Variants in PCDHGB6 observed in about 807,000 individuals in gnomAD.
The protein encoded by PCDHGB6 is protocadherin gamma subfamily B, 6.
PCDHGB6 carries 51 observed loss-of-function variants against 59.1 expected under a neutral mutation model. The ratio of observed to expected loss-of-function variants is 0.86; its 90% CI spans 0.69 to 1.09. The LOEUF (loss-of-function observed/expected upper bound fraction) is 1.09. PCDHGB6 is among the 50% of genes least tolerant of loss of function. The pLI is 0.00. For synonymous variants in PCDHGB6, 466 were observed against 495.1 expected, an observed-to-expected ratio of 0.94 and a Z score of 0.78; for missense variants, 1,148 against 1,205.1, an observed-to-expected ratio of 0.95 and a Z score of 0.70.
chr5:141,415,121 C>T (rs2095831464), intron 1 of PCDHGB6: 1 of 1,613,522 alleles, frequency 6.2e-7, no homozygotes, highest in South Asian at 1.1e-5. Context: ...CTCGTAGTGG[C>T]CGTCCAGGAC....
At chr5:141,510,658 A>G (rs1162885805) in intron 3 of PCDHGB6, among the ~76,000 whole-genome samples, 1 of 152,178 alleles carries the variant, frequency 6.6e-6, no homozygotes, top group African/African-American at 2.4e-5. Context: ...CATTTTGCAG[A>G]TGAGAAAACT....
chr5:141,464,290 A>AC (rs1287070540), intron 1 of PCDHGB6, among the ~76,000 whole-genome samples: 1 of 149,916 alleles, frequency 6.7e-6, no homozygotes, highest in Non-Finnish European at 1.5e-5. Context: ...AAAAAAAAAA[A>AC]CTCCATTGTA....
chr5:141,445,446 G>T (rs2098467238), intron 1 of PCDHGB6, among the ~76,000 whole-genome samples: 1 of 152,264 alleles, frequency 6.6e-6, no homozygotes, highest in Admixed American at 6.5e-5. Flanking sequence ...ATGGACTAAG[G>T]ATGCAGCAAT....
At chr5:141,478,423 C>A (rs1355847104) in intron 1 of PCDHGB6, 1 of 1,613,672 alleles carries the variant, frequency 6.2e-7, no homozygotes, top group Admixed American at 1.7e-5. Context: ...CCCGCCGCAG[C>A]GACCCGCTGC....
Position 141,427,790 on chromosome 5 carries a change from C to T in PCDHGB6, c.2418+17170C>T, listed in dbSNP as rs1212280689. ...TGGAGCTGCGGGCACTGTCGTCCTACGTGTCCGTGAGCGCACAGAGCGGGG... is the reference window on the plus strand; with the variant it reads ...TGGAGCTGCGGGCACTGTCGTCCTATGTGTCCGTGAGCGCACAGAGCGGGG... On this transcript the variant is annotated intron_variant, in intron 1 of 3. Transcript: ENST00000520790. 2.0e-6 allele frequency: 3 copies of T among 1,482,108 alleles called. No homozygotes were observed. The Admixed American group carries it at 5.0e-5, about 25-fold the overall frequency. 91.8% of individuals were successfully genotyped at this position (1,482,108 alleles called of 1,614,324 possible).
rs1427881816 is a variant in PCDHGB6 at position 141,486,740 on chromosome 5, T to C, written c.2419-8067T>C. ...AGGAGCTGTTCATGCTACTCGATCC[T>C]TTGACTATGAGCAAACCCAGACACT... On this transcript the variant is annotated intron_variant, in intron 1 of 3. Coordinates refer to ENST00000520790, the MANE Select transcript of PCDHGB6 (RefSeq NM_018926.3). The surrounding 1 kb of genome is among the most constrained non-coding windows in gnomAD (Gnocchi z 5.0). 6.2e-7 allele frequency: 1 copy of C among 1,614,234 alleles called. No homozygotes were observed. Among genetic ancestry groups the C allele is most frequent in the Admixed American group, 1.7e-5 (1 of 60,026 alleles).
intron 3 of PCDHGB6, among the ~76,000 whole-genome samples, chr5:141,506,011 C>T (rs1209221520): frequency 6.6e-6 from 1 of 152,204 alleles, no homozygotes; most frequent in Non-Finnish European, 1.5e-5. Flanking sequence ...TCCTCTTTTG[C>T]TGCCCCTAAC....
intron 1 of PCDHGB6, among the ~76,000 whole-genome samples, chr5:141,488,236 T>A (rs1333427955): frequency 6.6e-6 from 1 of 152,154 alleles, no homozygotes; most frequent in Admixed American, 6.5e-5. Context: ...TTGAACTAGA[T>A]GCGGTAAATT....
chr5:141,417,965 T>C lies in PCDHGB6; in HGVS notation c.2418+7345T>C. On this transcript the variant is annotated intron_variant, in intron 1 of 3. Coordinates refer to ENST00000520790, the MANE Select transcript of PCDHGB6 (RefSeq NM_018926.3). ...CACGCTGTGTGAGCCGATCCGCTAC[T>C]CGATTCCGGAGGAGCTGGCCAAGGG... 3 of 1,613,654 alleles carry C rather than the reference T, an allele frequency of 1.9e-6. No homozygotes were observed. In the South Asian group the frequency reaches 3.3e-5, roughly 18 times the overall value.
chr5:141,473,048 A>T (rs1295750830), intron 1 of PCDHGB6, among the ~76,000 whole-genome samples: 4 of 151,992 alleles, frequency 2.6e-5, no homozygotes, highest in Non-Finnish European at 5.9e-5. Flanking sequence ...GAAAGAAAGA[A>T]GTGATACAAC....
At chr5:141,454,796 ATTTTTTTTTTTTTTTT>A (rs61612330) in intron 1 of PCDHGB6, among the ~76,000 whole-genome samples, 1 of 77,408 alleles carries the variant, frequency 1.3e-5, no homozygotes, top group East Asian at 4.0e-4. Flanking sequence ...CATGGTTCTA[ATTTTTTTTTTTTTTTT>A]TTTTTTTTTT....
intron 1 of PCDHGB6, chr5:141,423,829 A>G: frequency 7.9e-7 from 1 of 1,268,964 alleles, no homozygotes; most frequent in Non-Finnish European, 9.9e-7. Flanking sequence ...GCCTTTCATG[A>G]GATTACGATA....
intron 1 of PCDHGB6, chr5:141,418,442 G>C: frequency 6.2e-7 from 1 of 1,614,010 alleles, no homozygotes; most frequent in Non-Finnish European, 8.5e-7. Flanking sequence ...TCCAGAATTA[G>C]TATTGCAGAA....
chr5:141,485,221 C>G lies in PCDHGB6; in HGVS notation c.2419-9586C>G. ...GGACAGAAATCTGGCGGTGGGCTACCCTTTTGTTCCTCTTTTACCACCTGG... is the reference window on the plus strand; with the variant it reads ...GGACAGAAATCTGGCGGTGGGCTACGCTTTTGTTCCTCTTTTACCACCTGG... On this transcript the variant is annotated intron_variant, in intron 1 of 3. Transcript: ENST00000520790. The surrounding 1 kb of genome is among the most constrained non-coding windows in gnomAD (Gnocchi z 5.7). The G allele has an allele frequency of 6.2e-7, 1 of 1,614,118 alleles. No individual in the cohort carries two copies. Among genetic ancestry groups the G allele is most frequent in the Non-Finnish European group, 8.5e-7 (1 of 1,180,010 alleles).
chr5:141,484,897 A>G (rs2099602925), intron 1 of PCDHGB6: 2 of 392,698 alleles, frequency 5.1e-6, no homozygotes, highest in Middle Eastern at 7.1e-4. Flanking sequence ...TTTCCCCTCC[A>G]ATGCTGCGAC....
intron 1 of PCDHGB6, among the ~76,000 whole-genome samples, chr5:141,438,764 C>A (rs963627140): frequency 6.7e-6 from 1 of 148,638 alleles, no homozygotes; most frequent in Non-Finnish European, 1.5e-5. Flanking sequence ...TGGGTTCAAG[C>A]GATTCTCCTG....
rs1409012917 is a variant in PCDHGB6 at position 141,512,928 on chromosome 5, T to A, written c.*1755T>A. On this transcript the variant is annotated 3_prime_UTR_variant, in exon 4 of 4. Transcript: ENST00000520790. ...CAAGTTTTATACTCTAATATTTATA[T>A]GGCTTTTTTTCTTCGACAAAAAAAT... is the stretch of plus-strand genomic sequence containing the variant. 1.3e-5 allele frequency: 2 copies of A among 152,190 alleles called. No individual in the cohort carries two copies. Among genetic ancestry groups the A allele is most frequent in the Non-Finnish European group, 2.9e-5 (2 of 68,044 alleles). The allele number at this position is 152,190 out of a possible 1,614,324, so 9.4% of individuals were successfully genotyped here.
At chr5:141,505,361 A>G (rs2099845711) in intron 2 of PCDHGB6, 32 bp from the exon 3 acceptor site, 1 of 1,613,910 alleles carries the variant, frequency 6.2e-7, no homozygotes, top group South Asian at 1.1e-5. Context: ...CCGGCCTGGG[A>G]GTCTGTGCTC....
chr5:141,478,415 C>T, intron 1 of PCDHGB6: 1 of 1,613,648 alleles, frequency 6.2e-7, no homozygotes, highest in Non-Finnish European at 8.5e-7. Flanking sequence ...CACGGACTCC[C>T]GCCGCAGCGA....
Sources: allele counts gnomAD v4.1 joint callset (sites outside exome capture counted in the v4.1 genomes callset), GRCh38; gene constraint gnomAD v4.1.1; non-coding constraint Gnocchi (gnomAD v3.1); transcripts MANE v1.5; gene names NCBI Gene and HGNC (gene_info 2026-07-23, HGNC 2026-07-21).